NUP155: variants seen among roughly 807,000 people sequenced by gnomAD.
NUP155 encodes nucleoporin 155.
In NUP155, 71 loss-of-function variants were observed where a neutral mutation model predicts 180.4. The ratio of observed to expected loss-of-function variants is 0.39; its 90% CI spans 0.33 to 0.48. The LOEUF is 0.48. Ranked by LOEUF, NUP155 falls within the 20% of genes least tolerant of loss-of-function variation. The probability of loss-of-function intolerance (pLI) is 0.91; values close to 1 mark genes in which losing one functional copy is unlikely to be tolerated. For synonymous variants in NUP155, 582 were observed against 559.5 expected, an observed-to-expected ratio of 1.04 and a Z score of -0.57; for missense variants, 1,553 against 1,648.9, an observed-to-expected ratio of 0.94 and a Z score of 1.01.
At chr5:37,344,560 C>G (rs1745952938) in intron 9 of NUP155, among the ~76,000 whole-genome samples, 1 of 149,046 alleles carries the variant, frequency 6.7e-6, no homozygotes. Flanking sequence ...CAATCCAATT[C>G]ATAAATTCTG....
At chr5:37,355,878 A>C (rs1167366126) in intron 4 of NUP155, among the ~76,000 whole-genome samples, 1 of 151,288 alleles carries the variant, frequency 6.6e-6, no homozygotes, top group Non-Finnish European at 1.5e-5. Flanking sequence ...ATGTCCAGCC[A>C]AGAATATATT....
At chr5:37,314,134 T>C in intron 22 of NUP155, 64 bp downstream of exon 22, 3 of 1,213,244 alleles carry the variant, frequency 2.5e-6, no homozygotes, top group Non-Finnish European at 3.6e-6. Context: ...AAAGCCAAAA[T>C]ACTCATCCAA....
chr5:37,294,597 GT>G (rs985816926), intron 32 of NUP155, 132 bp from the exon 33 acceptor site: 326 of 808,620 alleles, frequency 4.0e-4, no homozygotes, highest in East Asian at 4.9e-4. Flanking sequence ...GGGGCGGGGG[GT>G]TTTTTTTGCT....
At chr5:37,304,703 GAATA>G (rs1743057419) in intron 27 of NUP155, 32 bp downstream of exon 27, 2 of 1,383,864 alleles carry the variant, frequency 1.4e-6, no homozygotes, top group South Asian at 1.2e-5. Context: ...TGCTCCTTAA[GAATA>G]ATTAACACAA....
At chr5:37,326,544 AG>A (rs1413568447) in intron 18 of NUP155, among the ~76,000 whole-genome samples, 1 of 152,168 alleles carries the variant, frequency 6.6e-6, no homozygotes, top group Non-Finnish European at 1.5e-5. Flanking sequence ...AGGTTTTGCA[AG>A]TGTCTACTCT....
At position 37,298,779 on chromosome 5, in the gene NUP155, T is replaced by C. The variant is rs216399; in HGVS notation, c.3793+89A>G. 7.9e-3 allele frequency: 6,090 copies of C among 769,208 alleles called. 296 individuals carry two copies. In the African/African-American group the frequency reaches 0.093, roughly 12 times the overall value. The allele number at this position is 769,208 out of a possible 1,614,324, so 47.6% of individuals were successfully genotyped here. On this transcript the variant is annotated intron_variant, in intron 32 of 34. Transcript: ENST00000231498. The stretch of plus-strand genomic sequence containing the variant: ...AACTAAATAGCAAAGAAACTCTTTA[T>C]TTTACTCGAAAGATCGTTATTTGTC...
In NUP155 at chr5:37,288,380, G is replaced by A. The variant is rs1742103442; in HGVS notation, c.*3520C>T. On this transcript the variant is annotated 3_prime_UTR_variant, in exon 35 of 35. Coordinates refer to ENST00000231498, the MANE Select transcript of NUP155 (RefSeq NM_153485.3). ...GATAGGTGTTCAATGAATAAGTCAG[G>A]TATACCTAAAGAAACACTAAATGTA... 6.6e-6 allele frequency: 1 copy of A among 152,076 alleles called. No homozygotes were observed. Among genetic ancestry groups the A allele is most frequent in the South Asian group, 2.1e-4 (1 of 4,828 alleles). The allele number at this position is 152,076 out of a possible 1,614,324, so 9.4% of individuals were successfully genotyped here.
intron 16 of NUP155, 80 bp from the exon 17 acceptor site, chr5:37,328,500 G>T: frequency 9.1e-7 from 1 of 1,101,816 alleles, no homozygotes; most frequent in Non-Finnish European, 1.4e-6. Flanking sequence ...AGGTAAAGAA[G>T]GTATTTCCTT....
At chr5:37,301,312 A>G (rs1742850322) in intron 30 of NUP155, 125 bp downstream of exon 30, 1 of 658,472 alleles carries the variant, frequency 1.5e-6, no homozygotes, top group East Asian at 2.9e-5. Flanking sequence ...ACAAGCTGCC[A>G]AAGATGCCTT....
rs217816 is a variant in NUP155 at position 37,294,294 on chromosome 5, G to T, written c.3930+35C>A. 7,801 of 1,400,334 alleles carry T rather than the reference G, an allele frequency of 5.6e-3. 381 individuals carry two copies. The African/African-American group carries it at 0.1, about 18-fold the overall frequency. 86.7% of individuals were successfully genotyped at this position (1,400,334 alleles called of 1,614,324 possible). The stretch of plus-strand genomic sequence containing the variant: ...TATCTACAAAGTTACTTTAATTAAA[G>T]AAAATAATTTTATGTTATTTAATAT... On this transcript the variant is annotated intron_variant, in intron 33 of 34. Transcript: ENST00000231498.
At position 37,318,075 on chromosome 5, in the gene NUP155, T is replaced by C. The variant is rs1744016627; in HGVS notation, c.2218A>G (p.Lys740Glu). 1 of 1,603,782 alleles carries C rather than the reference T, an allele frequency of 6.2e-7. No individual in the cohort carries two copies. Among genetic ancestry groups the C allele is most frequent in the Non-Finnish European group, 8.5e-7 (1 of 1,170,590 alleles). ...GPLGNPNTTA[K>E]VQQRLIGFMR... ...AATCCTATCAGCCTCTGCTGCACTT[T>C]AGCAGTAGTACTGAAACAGAAATTG... The change falls in exon 21 of 35, where the codon AAA (lysine) becomes GAA (glutamate). Residue 740 changes from lysine to glutamate, a missense_variant. Transcript: ENST00000231498.
chr5:37,357,992 C>T (rs1009462548), intron 4 of NUP155, 89 bp downstream of exon 4: 21 of 941,896 alleles, frequency 2.2e-5, no homozygotes, highest in South Asian at 1.2e-4. Context: ...GACTCCATCT[C>T]GAAAAAAATG....
rs1052661210 is a variant in NUP155, at chr5:37,336,185, T to TA, written c.1347+1632dup. On this transcript the variant is annotated intron_variant, in intron 12 of 34. Transcript: ENST00000231498. ...ATTATATGACATGCAGCATTTGTTCTAAAAAAAAAGTTAGGTGGAGGACAG... is the reference window on the plus strand; with the variant it reads ...ATTATATGACATGCAGCATTTGTTCTAAAAAAAAAAGTTAGGTGGAGGACAG... 6.4e-4 allele frequency among the ~76,000 whole-genome samples: 97 copies of TA among 151,332 alleles called. 3 individuals carry two copies. Among genetic ancestry groups the TA allele is most frequent in the African/African-American group, 1.5e-3 (62 of 41,338 alleles).
At chr5:37,335,811 G>A (rs1745293429) in intron 12 of NUP155, among the ~76,000 whole-genome samples, 1 of 152,034 alleles carries the variant, frequency 6.6e-6, no homozygotes, top group South Asian at 2.1e-4. Flanking sequence ...AATTAGACAA[G>A]AGTGGTGGCA....
chr5:37,324,239 T>C, intron 19 of NUP155, 132 bp from the exon 20 acceptor site: 2 of 687,956 alleles, frequency 2.9e-6, no homozygotes, highest in Non-Finnish European at 5.3e-6. Flanking sequence ...TTGATCCGAA[T>C]AAAGTATACC....
chr5:37,320,975 TC>T (rs1255600159), intron 20 of NUP155, among the ~76,000 whole-genome samples: 1 of 152,086 alleles, frequency 6.6e-6, no homozygotes, highest in African/African-American at 2.4e-5. Context: ...AGAGGCCTGA[TC>T]AATCCAATAC....
intron 10 of NUP155, among the ~76,000 whole-genome samples, chr5:37,342,049 G>A (rs1246100457): frequency 6.6e-6 from 1 of 152,058 alleles, no homozygotes; most frequent in African/African-American, 2.4e-5. Flanking sequence ...CTTTTTTACT[G>A]GTTTTTTGAG....
At chr5:37,304,705 A>G in intron 27 of NUP155, 34 bp downstream of exon 27, 1 of 1,398,086 alleles carries the variant, frequency 7.2e-7, no homozygotes, top group East Asian at 2.3e-5. Flanking sequence ...CTCCTTAAGA[A>G]TAATTAACAC....
chr5:37,357,373 G>A (rs1218665776), intron 4 of NUP155, among the ~76,000 whole-genome samples: 1 of 135,848 alleles, frequency 7.4e-6, no homozygotes, highest in Non-Finnish European at 1.5e-5. Context: ...CTCCAGCCCG[G>A]GTGATAGAGT....
Sources: gnomAD v4.1 joint callset for allele counts (sites outside exome capture counted in the v4.1 genomes callset) on GRCh38, gnomAD v4.1.1 for gene constraint, MANE v1.5 for transcripts, NCBI Gene and HGNC (gene_info 2026-07-23, HGNC 2026-07-21) for gene names.